Variants in PCDHA10 observed in about 807,000 individuals in gnomAD.
The protein encoded by PCDHA10 is protocadherin alpha-10.
In PCDHA10, 45 loss-of-function variants were observed where a neutral mutation model predicts 61.2. That is an observed-to-expected ratio of 0.74 (90% confidence interval 0.58 to 0.94). PCDHA10 has a LOEUF of 0.94. PCDHA10 is among the 40% of genes least tolerant of loss of function. The pLI is 0.00. For synonymous variants in PCDHA10, 602 were observed against 548.8 expected (o/e 1.10, Z -1.35); for missense variants, 1,278 against 1,236.2 (o/e 1.03, Z -0.51).
chr5:140,896,074 A>C (rs1251086240), intron 1 of PCDHA10, among the ~76,000 whole-genome samples: 1 of 151,976 alleles, frequency 6.6e-6, no homozygotes, highest in African/African-American at 2.4e-5. Context: ...GCCTCCCAAC[A>C]TGCTGGGATT....
chr5:140,975,679 A>G (rs1312259048), intron 1 of PCDHA10, among the ~76,000 whole-genome samples: 1 of 152,250 alleles, frequency 6.6e-6, no homozygotes, highest in Non-Finnish European at 1.5e-5. Context: ...TATTAATAAA[A>G]TAGGGTATTT....
At position 140,877,496 on chromosome 5, in the gene PCDHA10, C is replaced by T. The variant is rs563591404; in HGVS notation, c.2388+19060C>T. On this transcript the variant is annotated intron_variant, in intron 1 of 3. Transcript: ENST00000307360. ...GTGTCGCTGGTGGAGAACGGCCAGG[C>T]CCCAAAGACGTCGTCGCGGGCCTCA... 24 of 1,613,862 alleles carry T rather than the reference C, an allele frequency of 1.5e-5. No individual in the cohort carries two copies. In the East Asian group the frequency reaches 4.9e-4, roughly 33 times the overall value.
rs1200077477 is a variant in PCDHA10, at chr5:140,898,429, C to T, written c.2388+39993C>T. 2.1e-3 allele frequency among the ~76,000 whole-genome samples: 312 copies of T among 150,132 alleles called. 2 individuals are homozygous for T. Among genetic ancestry groups the T allele is most frequent in the African/African-American group, 7.3e-3 (294 of 40,066 alleles). On this transcript the variant is annotated intron_variant, in intron 1 of 3. Coordinates refer to ENST00000307360, the MANE Select transcript of PCDHA10 (RefSeq NM_018901.4). ...ATACGGCTAGCCAGTTTTCCCAGCACCATTTATTAAATAGGGAATCCTTTC... is the reference window on the plus strand; with the variant it reads ...ATACGGCTAGCCAGTTTTCCCAGCATCATTTATTAAATAGGGAATCCTTTC...
At chr5:140,864,409 G>C (rs1354025134) in intron 1 of PCDHA10, 3 of 152,230 alleles carry the variant, frequency 2.0e-5, no homozygotes, top group Non-Finnish European at 4.4e-5. Context: ...GAGCAGGGTT[G>C]AGGCAGCTTC....
intron 3 of PCDHA10, among the ~76,000 whole-genome samples, chr5:140,996,093 A>G (rs2097711389): frequency 6.6e-6 from 1 of 152,210 alleles, no homozygotes; most frequent in South Asian, 2.1e-4. Flanking sequence ...GCTAGATTAC[A>G]TGGAATGGTA....
intron 3 of PCDHA10, among the ~76,000 whole-genome samples, chr5:140,987,219 A>G (rs1340141684): frequency 6.6e-6 from 1 of 151,240 alleles, no homozygotes; most frequent in African/African-American, 2.5e-5. Flanking sequence ...ATCTCAAAAA[A>G]AAAAAAAATA....
chr5:140,881,595 TTAATA>T (rs2058765091), intron 1 of PCDHA10, among the ~76,000 whole-genome samples: 1 of 152,250 alleles, frequency 6.6e-6, no homozygotes, highest in Non-Finnish European at 1.5e-5. Flanking sequence ...GGGAAATTTA[TTAATA>T]TGATGTGCTT....
chr5:140,870,766 C>T, intron 1 of PCDHA10: 1 of 1,613,562 alleles, frequency 6.2e-7, no homozygotes, highest in Non-Finnish European at 8.5e-7. Context: ...GGTGTTCGTG[C>T]TGGACGAGAA....
intron 1 of PCDHA10, among the ~76,000 whole-genome samples, chr5:140,944,361 A>G (rs1463339181): frequency 6.6e-6 from 1 of 151,888 alleles, no homozygotes; most frequent in Non-Finnish European, 1.5e-5. Flanking sequence ...CTAATTTTTA[A>G]TTTTTTATAG....
At chr5:140,989,970 A>C (rs2097368842) in intron 3 of PCDHA10, among the ~76,000 whole-genome samples, 1 of 152,136 alleles carries the variant, frequency 6.6e-6, no homozygotes, top group Non-Finnish European at 1.5e-5. Flanking sequence ...GAGCTTCCTC[A>C]GCAACAGCCC....
chr5:140,932,373 A>T (rs927239233), intron 1 of PCDHA10, among the ~76,000 whole-genome samples: 1 of 151,942 alleles, frequency 6.6e-6, no homozygotes, highest in Non-Finnish European at 1.5e-5. Flanking sequence ...AAATTTCCAC[A>T]TGAAAGTTAT....
At chr5:140,885,685 A>G (rs2060694021) in intron 1 of PCDHA10, among the ~76,000 whole-genome samples, 1 of 152,198 alleles carries the variant, frequency 6.6e-6, no homozygotes, top group African/African-American at 2.4e-5. Flanking sequence ...TATCTCAAGA[A>G]GCAATAGTGG....
Position 140,936,735 on chromosome 5 carries a change from A to G in PCDHA10, c.2389-42214A>G, listed in dbSNP as rs75635765. 5.4e-3 allele frequency among the ~76,000 whole-genome samples: 829 copies of G among 152,226 alleles called. 3 individuals carry two copies. The highest frequency in any genetic ancestry group is 0.019 in the African/African-American group (798 of 41,528). ...AATACATTCTGTGTTAAATATAGTA[A>G]CTTTTCATTTGTATTGATATCTAAT... On this transcript the variant is annotated intron_variant, in intron 1 of 3. Coordinates refer to ENST00000307360, the MANE Select transcript of PCDHA10 (RefSeq NM_018901.4).
At chr5:141,005,440 A>C (rs1174431656) in intron 3 of PCDHA10, among the ~76,000 whole-genome samples, 3 of 152,112 alleles carry the variant, frequency 2.0e-5, no homozygotes, top group African/African-American at 7.2e-5. Flanking sequence ...TGAGAGGCTC[A>C]CGCCTGTAAT....
At chr5:141,002,491 A>G (rs1244268735) in intron 3 of PCDHA10, among the ~76,000 whole-genome samples, 1 of 152,214 alleles carries the variant, frequency 6.6e-6, no homozygotes, top group Non-Finnish European at 1.5e-5. Flanking sequence ...TGACCTTGTT[A>G]TACAGCTCAG....
chr5:140,857,771 GCAGT>G lies in PCDHA10; in HGVS notation c.1728_1731del (p.Glu578TrpfsTer72). On this transcript the variant is annotated frameshift_variant, in exon 1 of 4. Transcript: ENST00000307360. LOFTEE classifies it high-confidence loss of function. Reference sequence around the variant, plus strand: ...GTCTCCCGCTGGCAGCGCGGGCGGTGCAGTCAGTGAGCTGGTGCTGCGGTCGGTG... The same window carrying G: ...GTCTCCCGCTGGCAGCGCGGGCGGTGCAGTGAGCTGGTGCTGCGGTCGGTG... The G allele has an allele frequency of 6.3e-7, 1 of 1,597,658 alleles. No homozygotes were observed. The highest frequency in any genetic ancestry group is 8.6e-7 in the Non-Finnish European group (1 of 1,167,676).
At chr5:140,965,196 AG>A (rs2095879471) in intron 1 of PCDHA10, among the ~76,000 whole-genome samples, 3 of 152,254 alleles carry the variant, frequency 2.0e-5, no homozygotes, top group Non-Finnish European at 4.4e-5. Flanking sequence ...ATGAGGCAAT[AG>A]ATTTCAAATT....
intron 1 of PCDHA10, chr5:140,883,418 C>T: frequency 6.2e-7 from 1 of 1,614,172 alleles, no homozygotes; most frequent in Non-Finnish European, 8.5e-7. Flanking sequence ...CTCAAATGGA[C>T]AGGTCACCTG....
rs781872854 is a variant in PCDHA10 at position 140,856,136 on chromosome 5, C to T, written c.88C>T (p.Leu30Phe). The change falls in exon 1 of 4, where the codon CTC becomes TTC. Residue 30 changes from leucine to phenylalanine, a missense_variant. By Grantham distance (22) the Leu-to-Phe change is conservative. Coordinates refer to ENST00000307360, the MANE Select transcript of PCDHA10 (RefSeq NM_018901.4). ...LAAWEVGSGQLHYSVYEEARH... is the reference protein window; with the variant it reads ...LAAWEVGSGQFHYSVYEEARH... ...AGCCTGGGAGGTGGGGAGCGGCCAGCTCCACTACTCAGTCTACGAGGAGGC... is the reference window on the plus strand; with the variant it reads ...AGCCTGGGAGGTGGGGAGCGGCCAGTTCCACTACTCAGTCTACGAGGAGGC... 28 of 1,598,232 alleles carry T rather than the reference C, an allele frequency of 1.8e-5. 1 individual carries two copies. Among genetic ancestry groups the T allele is most frequent in the Non-Finnish European group, 2.4e-5 (28 of 1,167,860 alleles).
Sources: allele counts gnomAD v4.1 joint callset (sites outside exome capture counted in the v4.1 genomes callset), GRCh38; gene constraint gnomAD v4.1.1; transcripts MANE v1.5; gene names NCBI Gene and HGNC (gene_info 2026-07-23, HGNC 2026-07-21).